The following DNAH9 variants were observed in gnomAD, a reference collection of about 807,000 sequenced individuals.
The protein encoded by DNAH9 is dynein axonemal heavy chain 9, also known as DNAH9 variant protein.
Under a neutral mutation model 471.6 loss-of-function variants are expected in DNAH9, and 345 were observed. The observed-to-expected ratio is 0.73, with a 90% CI of 0.67 to 0.80. The LOEUF (loss-of-function observed/expected upper bound fraction) is 0.80, where lower values mean the gene tolerates loss of function less well. Ranked by LOEUF, DNAH9 falls within the 30% of genes least tolerant of loss-of-function variation. The pLI is 0.00. For synonymous variants in DNAH9, 2,093 were observed against 2,123.6 expected, an observed-to-expected ratio of 0.99 and a Z score of 0.40; for missense variants, 5,407 against 5,609.2, an observed-to-expected ratio of 0.96 and a Z score of 1.15.
rs1465415999 is a variant in DNAH9 at position 11,768,566 on chromosome 17, A to G, written c.7284A>G (p.Lys2428=). ...FDYYIDPETK[K]FEPWSKLVPQ... Reference sequence around the variant, plus strand: ...ATTACATCGACCCAGAGACCAAGAAATTCGAGCCTTGGTCCAAGCTCGTCC... The same window carrying G: ...ATTACATCGACCCAGAGACCAAGAAGTTCGAGCCTTGGTCCAAGCTCGTCC... Residue 2428 remains lysine (K), a synonymous_variant, in exon 37 of 69, where the codon AAA becomes AAG. Coordinates refer to ENST00000262442, the MANE Select transcript of DNAH9 (RefSeq NM_001372.4). The G allele has an allele frequency of 1.2e-6, 2 of 1,614,052 alleles. No individual in the cohort carries two copies. The highest frequency in any genetic ancestry group is 4.5e-5 in the East Asian group (2 of 44,892).
intron 41 of DNAH9, among the ~76,000 whole-genome samples, chr17:11,791,536 C>A (rs1969062290): frequency 6.6e-6 from 1 of 152,034 alleles, no homozygotes; most frequent in African/African-American, 2.4e-5. Flanking sequence ...TATGGCGAAA[C>A]CTGGTCTCTA....
chr17:11,684,824 A>C (rs1006427338), intron 19 of DNAH9, among the ~76,000 whole-genome samples: 54 of 152,344 alleles, frequency 3.5e-4, no homozygotes, highest in African/African-American at 1.3e-3. Context: ...ATGAGGAAAG[A>C]AGGGCTTTTG....
At chr17:11,799,789 T>C (rs1969385291) in intron 43 of DNAH9, among the ~76,000 whole-genome samples, 1 of 152,184 alleles carries the variant, frequency 6.6e-6, no homozygotes, top group African/African-American at 2.4e-5. Context: ...TAAACGATGT[T>C]GGCCAGGCTG....
rs111985868 is a variant in DNAH9, at chr17:11,748,706, A to G, written c.6610+940A>G. ...ACCTTCAAAGAACTAAACTTCACCAATAGACATTGTAAAGGGTCGTTTGGC... is the reference window on the plus strand; with the variant it reads ...ACCTTCAAAGAACTAAACTTCACCAGTAGACATTGTAAAGGGTCGTTTGGC... On this transcript the variant is annotated intron_variant, in intron 32 of 68. Coordinates refer to ENST00000262442, the MANE Select transcript of DNAH9 (RefSeq NM_001372.4). 6.4e-4 allele frequency among the ~76,000 whole-genome samples: 98 copies of G among 152,252 alleles called. 1 individual carries two copies. The highest frequency in any genetic ancestry group is 2.3e-3 in the African/African-American group (95 of 41,552).
chr17:11,704,091 A>G, intron 24 of DNAH9, 112 bp from the exon 25 acceptor site: 1 of 1,193,386 alleles, frequency 8.4e-7, no homozygotes. Context: ...AGAGGGAGGG[A>G]TGGGGCTCAT....
At chr17:11,681,264 A>G (rs2074128482) in intron 19 of DNAH9, among the ~76,000 whole-genome samples, 1 of 152,176 alleles carries the variant, frequency 6.6e-6, no homozygotes, top group South Asian at 2.1e-4. Flanking sequence ...TGAATTTTTA[A>G]AATTTTACAG....
At chr17:11,716,124 C>T (rs955435799) in intron 26 of DNAH9, among the ~76,000 whole-genome samples, 1 of 147,188 alleles carries the variant, frequency 6.8e-6, no homozygotes, top group Admixed American at 6.8e-5. Flanking sequence ...CACCTTGTCA[C>T]CCAGGCTGGA....
chr17:11,780,964 C>A, intron 38 of DNAH9, 45 bp from the exon 39 acceptor site: 1 of 1,590,950 alleles, frequency 6.3e-7, no homozygotes, highest in Non-Finnish European at 8.6e-7. Context: ...GTACTGGCAT[C>A]TGAGATTTGA....
chr17:11,681,077 A>G (rs1241780902), intron 19 of DNAH9, among the ~76,000 whole-genome samples, 188 bp downstream of exon 19: 1 of 152,174 alleles, frequency 6.6e-6, no homozygotes, highest in Non-Finnish European at 1.5e-5. Flanking sequence ...ACCTGTATGA[A>G]AAGGCCAAGG....
chr17:11,915,056 C>G (rs988855977), intron 61 of DNAH9, among the ~76,000 whole-genome samples: 2 of 152,280 alleles, frequency 1.3e-5, no homozygotes, highest in East Asian at 3.9e-4. Flanking sequence ...CTAATTGTCT[C>G]TATTTTCATG....
intron 1 of DNAH9, among the ~76,000 whole-genome samples, chr17:11,603,517 A>T (rs573188958): frequency 6.6e-6 from 1 of 152,106 alleles, no homozygotes; most frequent in East Asian, 1.9e-4. Flanking sequence ...TCTGATGCCA[A>T]CCCTAAGGCT....
At chr17:11,746,228 G>T (rs1410948892) in intron 31 of DNAH9, among the ~76,000 whole-genome samples, 1 of 152,130 alleles carries the variant, frequency 6.6e-6, no homozygotes, top group Non-Finnish European at 1.5e-5. Context: ...CTGCATGGCT[G>T]GGGAGGCCTC....
At chr17:11,669,297 T>C in intron 16 of DNAH9, 37 bp downstream of exon 16, 3 of 1,599,410 alleles carry the variant, frequency 1.9e-6, no homozygotes, top group African/African-American at 1.3e-5. Flanking sequence ...TCCAACTGTG[T>C]CCCGTCCAGC....
At chr17:11,847,205 T>C (rs1971257257) in intron 49 of DNAH9, among the ~76,000 whole-genome samples, 1 of 152,218 alleles carries the variant, frequency 6.6e-6, no homozygotes. Context: ...AGAAGCTCTT[T>C]AGTTTAATTA....
chr17:11,732,873 G>T (rs1323957051), intron 28 of DNAH9, among the ~76,000 whole-genome samples: 2 of 152,048 alleles, frequency 1.3e-5, no homozygotes, highest in African/African-American at 4.8e-5. Context: ...ATAATGGGTT[G>T]GGCAGAGGCA....
rs1283278667 is a variant in DNAH9 at position 11,689,773 on chromosome 17, T to G, written c.3951T>G (p.His1317Gln). The G allele has an allele frequency of 6.2e-7, 1 of 1,614,186 alleles. No individual in the cohort carries two copies. Among genetic ancestry groups the G allele is most frequent in the Admixed American group, 1.7e-5 (1 of 60,024 alleles). ...DTIGMVTSSIHAWETTPWRNI... is the reference protein window; with the variant it reads ...DTIGMVTSSIQAWETTPWRNI... ...TTGGAATGGTGACCTCCAGCATCCA[T>G]GCCTGGGAGACCACACCCTGGAGGA... is the stretch of plus-strand genomic sequence containing the variant. The change falls in exon 20 of 69, where the codon CAT (histidine) becomes CAG (glutamine). Residue 1317 changes from histidine to glutamine, a missense_variant. Physicochemically the swap from His to Gln is conservative, Grantham distance 24. This residue lies in a region of DNAH9 where 4,636 missense variants were observed against 4,900.3 expected (regional missense o/e 0.95). Transcript: ENST00000262442.
intron 61 of DNAH9, among the ~76,000 whole-genome samples, chr17:11,922,919 A>C (rs887429796): frequency 6.6e-6 from 1 of 151,956 alleles, no homozygotes; most frequent in Non-Finnish European, 1.5e-5. Flanking sequence ...TCTCATCAGC[A>C]CTCCCTAGAA....
intron 12 of DNAH9, among the ~76,000 whole-genome samples, chr17:11,650,740 C>G (rs1346319996): frequency 6.6e-6 from 1 of 152,162 alleles, no homozygotes; most frequent in African/African-American, 2.4e-5. Context: ...CTGGCTGGGC[C>G]CCTATGAGCC....
intron 38 of DNAH9, among the ~76,000 whole-genome samples, chr17:11,778,572 A>T (rs1270872069): frequency 6.6e-6 from 1 of 151,924 alleles, no homozygotes; most frequent in East Asian, 1.9e-4. Flanking sequence ...CCGTTTTGAG[A>T]ATATGGTGTA....
Sources: allele counts gnomAD v4.1 joint callset (sites outside exome capture counted in the v4.1 genomes callset), GRCh38; gene constraint gnomAD v4.1.1; regional missense constraint gnomAD v4.1.1; transcripts MANE v1.5; gene names NCBI Gene and HGNC (gene_info 2026-07-23, HGNC 2026-07-21).